The following PEX7 variants were observed in gnomAD, a reference collection of about 807,000 sequenced individuals.
PEX7 encodes the protein peroxisomal biogenesis factor 7.
In PEX7, 34 loss-of-function variants were observed where a neutral mutation model predicts 47.5. That is an observed-to-expected ratio of 0.72 (90% CI 0.54 to 0.95). The LOEUF (loss-of-function observed/expected upper bound fraction) is 0.95, where lower values mean the gene tolerates loss of function less well. Ranked by LOEUF, PEX7 falls within the 40% of genes least tolerant of loss-of-function variation. The probability of loss-of-function intolerance (pLI) is 0.00; values close to 1 mark genes in which losing one functional copy is unlikely to be tolerated. For synonymous variants in PEX7, 141 were observed against 148.8 expected (o/e 0.95, Z 0.38); for missense variants, 394 against 400.3 (o/e 0.98, Z 0.13).
chr6:136,853,331 GA>G (rs1347911734), intron 5 of PEX7, among the ~76,000 whole-genome samples: 1 of 152,176 alleles, frequency 6.6e-6, no homozygotes, highest in Admixed American at 6.5e-5. Context: ...GTAAGAAGTG[GA>G]AACTCTTTTG....
At chr6:136,903,830 T>C (rs1210841064) in intron 9 of PEX7, among the ~76,000 whole-genome samples, 3 of 122,654 alleles carry the variant, frequency 2.4e-5, no homozygotes, top group East Asian at 4.2e-4. Context: ...AGGTGTGCAC[T>C]TTTTTTTTTT....
At chr6:136,843,986 T>C (rs1026272460) in intron 3 of PEX7, among the ~76,000 whole-genome samples, 1 of 152,244 alleles carries the variant, frequency 6.6e-6, no homozygotes, top group Non-Finnish European at 1.5e-5. Context: ...AAACCCATTA[T>C]GAACAAAATA....
chr6:136,910,564 TTTTAAA>T (rs1475433828), intron 9 of PEX7, among the ~76,000 whole-genome samples: 1 of 152,192 alleles, frequency 6.6e-6, no homozygotes, highest in Non-Finnish European at 1.5e-5. Flanking sequence ...AGAGTGAGGT[TTTTAAA>T]TTTAAAAGTT....
chr6:136,903,393 C>T (rs1316530734), intron 9 of PEX7, among the ~76,000 whole-genome samples: 2 of 130,792 alleles, frequency 1.5e-5, no homozygotes, highest in African/African-American at 2.9e-5. Context: ...CCAGGTTGGT[C>T]TAGAACTCCT....
Position 136,892,042 on chromosome 6 carries a change from A to T in PEX7, c.804-6100A>T, listed in dbSNP as rs545151415. ...AGGATGGAAATCTGAGTGATTATAG[A>T]AAGAGAGTTGAGTGATACATAAGTT... is the stretch of plus-strand genomic sequence containing the variant. On this transcript the variant is annotated intron_variant, in intron 8 of 9. Coordinates refer to ENST00000318471, the MANE Select transcript of PEX7 (RefSeq NM_000288.4). 3.3e-5 allele frequency among the ~76,000 whole-genome samples: 5 copies of T among 152,344 alleles called. No individual in the cohort carries two copies. In the South Asian group the frequency reaches 1.0e-3, roughly 32 times the overall value.
chr6:136,879,292 A>T (rs543597697), intron 8 of PEX7, among the ~76,000 whole-genome samples: 3 of 152,180 alleles, frequency 2.0e-5, no homozygotes, highest in Non-Finnish European at 2.9e-5. Context: ...AATGCCATAG[A>T]TTTCTCAAGA....
chr6:136,858,463 G>A (rs921965528), intron 5 of PEX7, among the ~76,000 whole-genome samples: 1 of 152,186 alleles, frequency 6.6e-6, no homozygotes, highest in African/African-American at 2.4e-5. Context: ...TACTAGTCCA[G>A]CGATTCTAGA....
chr6:136,912,181 T>G (rs956612637), intron 9 of PEX7, among the ~76,000 whole-genome samples: 1 of 152,220 alleles, frequency 6.6e-6, no homozygotes, highest in Admixed American at 6.5e-5. Context: ...TATATAACTG[T>G]GTCTTGCCTG....
intron 8 of PEX7, among the ~76,000 whole-genome samples, chr6:136,886,027 G>T (rs1163444209): frequency 6.6e-6 from 1 of 152,134 alleles, no homozygotes; most frequent in Non-Finnish European, 1.5e-5. Flanking sequence ...TGCTACTTTT[G>T]TCATTATTAA....
chr6:136,865,402 G>A (rs753829992), intron 5 of PEX7, among the ~76,000 whole-genome samples: 52 of 152,294 alleles, frequency 3.4e-4, no homozygotes, highest in Non-Finnish European at 6.5e-4. Flanking sequence ...AGGTTCAAGT[G>A]ATTCTTCTGC....
intron 9 of PEX7, among the ~76,000 whole-genome samples, chr6:136,902,863 G>C (rs1207229668): frequency 1.3e-5 from 2 of 152,072 alleles, no homozygotes; most frequent in East Asian, 3.8e-4. Flanking sequence ...TGGGGGCATA[G>C]TTATTTATTA....
intron 3 of PEX7, among the ~76,000 whole-genome samples, chr6:136,835,180 C>T (rs1774362934): frequency 6.6e-6 from 1 of 152,080 alleles, no homozygotes; most frequent in Non-Finnish European, 1.5e-5. Context: ...CCGCCTCAGC[C>T]TCCCAAAGTG....
intron 5 of PEX7, among the ~76,000 whole-genome samples, chr6:136,863,682 T>A (rs974719162): frequency 6.6e-6 from 1 of 151,772 alleles, no homozygotes; most frequent in Non-Finnish European, 1.5e-5. Flanking sequence ...CTGAGGCAGG[T>A]GGATTGCTTG....
chr6:136,836,040 T>G (rs1489370483), intron 3 of PEX7, among the ~76,000 whole-genome samples: 2 of 152,206 alleles, frequency 1.3e-5, no homozygotes, highest in African/African-American at 2.4e-5. Context: ...TGAAGTGAGT[T>G]AGTGAGTGAA....
chr6:136,902,624 C>T (rs894175645), intron 9 of PEX7, among the ~76,000 whole-genome samples: 1 of 151,566 alleles, frequency 6.6e-6, no homozygotes, highest in East Asian at 1.9e-4. Context: ...GACATTTTAT[C>T]TTTTCTTTCT....
intron 8 of PEX7, among the ~76,000 whole-genome samples, chr6:136,880,709 C>A (rs1032965229): frequency 2.6e-5 from 4 of 152,224 alleles, no homozygotes; most frequent in Non-Finnish European, 4.4e-5. Context: ...CCTAGACTCT[C>A]CTCTCTCCTC....
chr6:136,880,662 A>G (rs1164983685), intron 8 of PEX7, among the ~76,000 whole-genome samples: 3 of 152,204 alleles, frequency 2.0e-5, no homozygotes. Flanking sequence ...TTTTTGTAAG[A>G]ATACAGTAAC....
chr6:136,871,943 A>G (rs1431488606), intron 7 of PEX7, among the ~76,000 whole-genome samples: 1 of 152,102 alleles, frequency 6.6e-6, no homozygotes, highest in African/African-American at 2.4e-5. Flanking sequence ...ATTTTATTCT[A>G]AATAAGTTCT....
intron 3 of PEX7, among the ~76,000 whole-genome samples, chr6:136,835,720 GT>G (rs1774373596): frequency 6.6e-6 from 1 of 152,090 alleles, no homozygotes; most frequent in South Asian, 2.1e-4. Flanking sequence ...CTTGGTAAGT[GT>G]TCAATTCTAA....
Sources: allele counts gnomAD v4.1 joint callset (sites outside exome capture counted in the v4.1 genomes callset), GRCh38; gene constraint gnomAD v4.1.1; transcripts MANE v1.5; gene names NCBI Gene and HGNC (gene_info 2026-07-23, HGNC 2026-07-21).